FRK: variants seen among roughly 807,000 people sequenced by gnomAD.
FRK encodes the protein fyn related Src family tyrosine kinase.
In FRK, 51 loss-of-function variants were observed where a neutral mutation model predicts 56.4. The observed-to-expected ratio is 0.90, with a 90% CI of 0.72 to 1.14. The LOEUF (loss-of-function observed/expected upper bound fraction) is 1.14. Among genes scored for constraint, FRK ranks in the 50% most tolerant of loss-of-function variants. The pLI is 0.00. For synonymous variants in FRK, 245 were observed against 217.9 expected, an observed-to-expected ratio of 1.12 and a Z score of -1.10; for missense variants, 570 against 601.4, an observed-to-expected ratio of 0.95 and a Z score of 0.55.
Position 115,941,933 on chromosome 6 carries a change from G to GA in FRK, c.*480dup, listed in dbSNP as rs566007531. The stretch of plus-strand genomic sequence containing the variant: ...TGTAGTTACAGGATATTTTAAAAGA[G>GA]AAAAAAAAATCTCAAAGCACAGGTC... On this transcript the variant is annotated 3_prime_UTR_variant, in exon 8 of 8. Coordinates refer to ENST00000606080, the MANE Select transcript of FRK (RefSeq NM_002031.3). The GA allele has an allele frequency of 7.9e-4, 121 of 152,734 alleles. No homozygotes were observed. Among genetic ancestry groups the GA allele is most frequent in the Admixed American group, 1.1e-3 (17 of 15,280 alleles). The allele number at this position is 152,734 out of a possible 1,614,324, so 9.5% of individuals were successfully genotyped here.
At chr6:116,044,063 T>A (rs1776840702) in intron 1 of FRK, among the ~76,000 whole-genome samples, 1 of 152,156 alleles carries the variant, frequency 6.6e-6, no homozygotes, top group African/African-American at 2.4e-5. Flanking sequence ...AATAGACCAA[T>A]AACAAGTTCC....
At chr6:116,099,941 C>G in the FRK span, among the ~76,000 whole-genome samples, 1 of 152,212 alleles carries the variant, frequency 6.6e-6, no homozygotes, top group South Asian at 2.1e-4. Context: ...TCCTTCACAT[C>G]CGGAAATCAG....
At chr6:115,987,524 T>C (rs1774438917) in intron 2 of FRK, among the ~76,000 whole-genome samples, 1 of 152,158 alleles carries the variant, frequency 6.6e-6, no homozygotes, top group South Asian at 2.1e-4. Context: ...TAACTCGTTA[T>C]TATTATACAC....
chr6:116,016,620 TG>T (rs1398985344), intron 1 of FRK, among the ~76,000 whole-genome samples: 1 of 152,182 alleles, frequency 6.6e-6, no homozygotes, highest in Non-Finnish European at 1.5e-5. Context: ...CTAGTTTTAC[TG>T]CTTTGGGGGG....
At chr6:115,982,933 A>G (rs985692526) in intron 2 of FRK, among the ~76,000 whole-genome samples, 15 of 151,914 alleles carry the variant, frequency 9.9e-5, no homozygotes, top group African/African-American at 3.6e-4. Flanking sequence ...TTAGCCAGGC[A>G]TGGTGGCACA....
intron 2 of FRK, among the ~76,000 whole-genome samples, chr6:115,995,693 C>G (rs1774812641): frequency 6.6e-6 from 1 of 152,108 alleles, no homozygotes; most frequent in African/African-American, 2.4e-5. Flanking sequence ...CTTCATGAAC[C>G]AGTGCCCTAG....
At chr6:116,050,000 G>T (rs897615418) in intron 1 of FRK, among the ~76,000 whole-genome samples, 1 of 152,138 alleles carries the variant, frequency 6.6e-6, no homozygotes, top group African/African-American at 2.4e-5. Flanking sequence ...CTTCATTCAT[G>T]AGTTGAACAT....
At chr6:115,999,349 T>C (rs1038229880) in intron 2 of FRK, among the ~76,000 whole-genome samples, 7 of 152,228 alleles carry the variant, frequency 4.6e-5, no homozygotes, top group African/African-American at 1.7e-4. Flanking sequence ...AATTCACAGC[T>C]AATTAGTGTC....
At chr6:116,053,600 T>C (rs557600688) in intron 1 of FRK, among the ~76,000 whole-genome samples, 1 of 152,140 alleles carries the variant, frequency 6.6e-6, no homozygotes, top group Admixed American at 6.6e-5. Context: ...CAATAGAACA[T>C]TTTCTTTTCA....
chr6:116,033,541 T>C (rs899397297), intron 1 of FRK, among the ~76,000 whole-genome samples: 2 of 152,124 alleles, frequency 1.3e-5, no homozygotes, highest in Non-Finnish European at 2.9e-5. Flanking sequence ...AAACAAATTT[T>C]ATAAAATCAT....
At chr6:116,067,569 C>A in the FRK span, among the ~76,000 whole-genome samples, 23 of 152,080 alleles carry the variant, frequency 1.5e-4, 1 homozygote, top group African/African-American at 5.1e-4. Flanking sequence ...AACCAATAAT[C>A]ATTACATAAT....
At chr6:116,023,552 C>T (rs1366749668) in intron 1 of FRK, among the ~76,000 whole-genome samples, 2 of 152,096 alleles carry the variant, frequency 1.3e-5, no homozygotes, top group Non-Finnish European at 2.9e-5. Flanking sequence ...TATATGATTG[C>T]ATTTATATGA....
intron 1 of FRK, among the ~76,000 whole-genome samples, chr6:116,036,510 T>C (rs530312091): frequency 2.0e-5 from 3 of 152,278 alleles, no homozygotes; most frequent in Admixed American, 1.3e-4. Flanking sequence ...TAATACCCTC[T>C]GTACAAAATT....
chr6:115,971,839 T>C (rs1773816630), intron 2 of FRK, among the ~76,000 whole-genome samples: 1 of 152,206 alleles, frequency 6.6e-6, no homozygotes. Flanking sequence ...CCTTCCTCTC[T>C]GTTTCTCTAC....
chr6:116,011,923 G>A (rs1775489174), intron 1 of FRK, among the ~76,000 whole-genome samples: 1 of 151,810 alleles, frequency 6.6e-6, no homozygotes. Context: ...GTATCCCCTT[G>A]GTTCCCAGGA....
At chr6:115,945,908 G>A (rs1772427669) in intron 5 of FRK, among the ~76,000 whole-genome samples, 1 of 152,018 alleles carries the variant, frequency 6.6e-6, no homozygotes, top group South Asian at 2.1e-4. Context: ...TGTTAGTAGA[G>A]GGGGGTCAGC....
chr6:115,994,828 T>A (rs1258115531), intron 2 of FRK, among the ~76,000 whole-genome samples: 1 of 151,986 alleles, frequency 6.6e-6, no homozygotes, highest in African/African-American at 2.4e-5. Flanking sequence ...GAGGATACAA[T>A]AAGAAGGTGG....
chr6:116,011,808 T>G lies in FRK; in HGVS notation c.345-7810A>C, dbSNP rs11970109. ...CTATTATGGTTCGGTATGACTCACCTGCATCTACCTGTGTTTCCACAACAC... is the reference window on the plus strand; with the variant it reads ...CTATTATGGTTCGGTATGACTCACCGGCATCTACCTGTGTTTCCACAACAC... On this transcript the variant is annotated intron_variant, in intron 1 of 7. Coordinates refer to ENST00000606080, the MANE Select transcript of FRK (RefSeq NM_002031.3). Among the ~76,000 whole-genome samples, 708 of 152,250 alleles carry G rather than the reference T, an allele frequency of 4.7e-3. 8 individuals carry two copies. The highest frequency in any genetic ancestry group is 0.017 in the African/African-American group (688 of 41,560).
At chr6:115,958,704 G>GAAAGAAAGAAAGAAAGAAAGAAGGAAGA (rs5879359) in intron 4 of FRK, among the ~76,000 whole-genome samples, 1 of 6,960 alleles carries the variant, frequency 1.4e-4, no homozygotes, top group African/African-American at 4.0e-4. Flanking sequence ...AAGAAAGAAA[G>GAAAGAAAGAAAGAAAGAAAGAAGGAAGA]AAGAAAGAAA....
Sources: allele counts gnomAD v4.1 joint callset (sites outside exome capture counted in the v4.1 genomes callset), GRCh38; gene constraint gnomAD v4.1.1; transcripts MANE v1.5; gene names NCBI Gene and HGNC (gene_info 2026-07-23, HGNC 2026-07-21).